PSORS1C1: variants seen among roughly 807,000 people sequenced by gnomAD.
PSORS1C1 encodes psoriasis susceptibility 1 candidate 1.
A neutral mutation model predicts 9.4 loss-of-function variants in PSORS1C1; 7 were observed. That is an observed-to-expected ratio of 0.75 (90% CI 0.42 to 1.40). The LOEUF is 1.40. PSORS1C1 is among the 40% of genes most tolerant of loss of function. The probability of loss-of-function intolerance (pLI) is 0.01; values close to 1 mark genes in which losing one functional copy is unlikely to be tolerated. For missense variants in PSORS1C1, 146 were observed against 178.1 expected, an observed-to-expected ratio of 0.82 and a Z score of 1.02; for synonymous variants, 63 against 69.4, an observed-to-expected ratio of 0.91 and a Z score of 0.46.
chr6:31,137,940 AG>A, intron 3 of PSORS1C1: 1 of 1,379,280 alleles, frequency 7.3e-7, no homozygotes, highest in Non-Finnish European at 9.7e-7. Context: ...AGAACGGCTG[AG>A]GGGACTCCAT....
chr6:31,118,936 TG>T (rs1406640392), intron 1 of PSORS1C1: 1 of 149,280 alleles, frequency 6.7e-6, no homozygotes, highest in Non-Finnish European at 1.5e-5. Flanking sequence ...TCTGCCTCCT[TG>T]GTGCAAGCGA....
At chr6:31,125,999 A>G (rs3778639) in intron 2 of PSORS1C1, among the ~76,000 whole-genome samples, 160 bp downstream of exon 2, 19,928 of 140,112 alleles carry the variant, frequency 0.14, 1,451 homozygotes, top group Middle Eastern at 0.24. Flanking sequence ...CCCACCCCCC[A>G]CCCCCTGCAA....
intron 3 of PSORS1C1, chr6:31,137,810 C>T: frequency 2.2e-6 from 1 of 445,002 alleles, no homozygotes; most frequent in East Asian, 3.4e-5. Flanking sequence ...CACCACCTTA[C>T]GGGTTCAGAA....
chr6:31,117,424 C>G (rs1371116630), intron 1 of PSORS1C1: 8 of 1,560,356 alleles, frequency 5.1e-6, no homozygotes, highest in Middle Eastern at 1.7e-4. Flanking sequence ...GCTACTGAAA[C>G]CGCTGGAGTC....
intron 1 of PSORS1C1, chr6:31,116,855 C>T (rs750463088): frequency 1.7e-5 from 28 of 1,613,998 alleles, no homozygotes; most frequent in Non-Finnish European, 2.4e-5. Context: ...ACCACCACCA[C>T]CACAGGCCTC....
At chr6:31,117,973 T>A in intron 1 of PSORS1C1, 1 of 179,892 alleles carries the variant, frequency 5.6e-6, no homozygotes, top group Non-Finnish European at 1.2e-5. Flanking sequence ...GAAGAGGGAA[T>A]GGAGAAGGGG....
At chr6:31,116,729 A>C in intron 1 of PSORS1C1, 1 of 1,612,920 alleles carries the variant, frequency 6.2e-7, no homozygotes, top group Non-Finnish European at 8.5e-7. Context: ...ACCACCTCGT[A>C]GCCACCATAG....
chr6:31,130,593 T>G (rs1772869842), intron 3 of PSORS1C1, among the ~76,000 whole-genome samples: 1 of 152,026 alleles, frequency 6.6e-6, no homozygotes, highest in Admixed American at 6.5e-5. Flanking sequence ...TTTTGTATTT[T>G]TAGTAGAGAC....
chr6:31,120,010 G>A (rs1332543725), intron 1 of PSORS1C1, among the ~76,000 whole-genome samples: 4 of 152,126 alleles, frequency 2.6e-5, no homozygotes, highest in Admixed American at 2.6e-4. Flanking sequence ...ACTATTAAAT[G>A]TCCAATCATT....
intron 1 of PSORS1C1, among the ~76,000 whole-genome samples, chr6:31,121,763 G>A (rs371322918): frequency 2.6e-5 from 4 of 152,292 alleles, no homozygotes; most frequent in East Asian, 1.9e-4. Context: ...CCTCCTGACC[G>A]CCCTTTAAGT....
intron 2 of PSORS1C1, 115 bp downstream of exon 2, chr6:31,125,954 A>G (rs985165720): frequency 6.6e-6 from 1 of 152,376 alleles, no homozygotes; most frequent in Non-Finnish European, 1.5e-5. Flanking sequence ...TTACTCAGGG[A>G]CATGGTGCCC....
At chr6:31,116,566 T>C in intron 1 of PSORS1C1, 2 of 1,613,638 alleles carry the variant, frequency 1.2e-6, no homozygotes, top group Non-Finnish European at 1.7e-6. Context: ...GCTGGAGAAG[T>C]ATTTGCCCTC....
At chr6:31,124,892 G>A (rs3131002) in intron 1 of PSORS1C1, among the ~76,000 whole-genome samples, 61,153 of 151,840 alleles carry the variant, frequency 0.4, 13,110 homozygotes, top group African/African-American at 0.57. Context: ...CATTTGAACC[G>A]GCGAGGCGGA....
chr6:31,138,787 C>T lies in PSORS1C1; in HGVS notation c.167+8C>T. 6.2e-7 allele frequency: 1 copy of T among 1,614,114 alleles called. No individual in the cohort carries two copies. Among genetic ancestry groups the T allele is most frequent in the Non-Finnish European group, 8.5e-7 (1 of 1,179,992 alleles). ...GCCAGCAAACCATTTCTGGTGAGAG[C>T]CAAATGCACCTTCTGCACCATGTCC... On this transcript the variant is annotated splice_region_variant and intron_variant, in intron 5 of 5. Transcript: ENST00000259881.
rs747545713 is a variant in PSORS1C1, at chr6:31,139,625, CCAT to C, written c.168-15_168-13del. ...TGGGATCCAGGCATCCTGCTCTCCACCATGTCCTTCTTCAGGCATGCAGGGGAC... is the reference window on the plus strand; with the variant it reads ...TGGGATCCAGGCATCCTGCTCTCCACGTCCTTCTTCAGGCATGCAGGGGAC... On this transcript the variant is annotated splice_polypyrimidine_tract_variant and intron_variant, in intron 5 of 5. Coordinates refer to ENST00000259881, the MANE Select transcript of PSORS1C1 (RefSeq NM_014068.3). This position sits in a 1 kb window ranked among gnomAD's most constrained non-coding sequence, Gnocchi z 5.2. The C allele has an allele frequency of 6.2e-7, 1 of 1,607,482 alleles. No individual in the cohort carries two copies. The highest frequency in any genetic ancestry group is 8.5e-7 in the Non-Finnish European group (1 of 1,176,306).
chr6:31,115,934 C>T lies in PSORS1C1; in HGVS notation c.-229+1043C>T, dbSNP rs994666747. On this transcript the variant is annotated intron_variant, in intron 1 of 5. Coordinates refer to ENST00000259881, the MANE Select transcript of PSORS1C1 (RefSeq NM_014068.3). This position sits in a 1 kb window ranked among gnomAD's most constrained non-coding sequence, Gnocchi z 4.2. ...TGGGAAGGAGGGAAACTGAGCTAACCCTATGCCTGGGCACTGGACTTCTCC... is the reference window on the plus strand; with the variant it reads ...TGGGAAGGAGGGAAACTGAGCTAACTCTATGCCTGGGCACTGGACTTCTCC... 8.5e-7 allele frequency: 1 copy of T among 1,182,136 alleles called. No individual in the cohort carries two copies. Among genetic ancestry groups the T allele is most frequent in the African/African-American group, 1.5e-5 (1 of 65,922 alleles). 73.2% of individuals were successfully genotyped at this position (1,182,136 alleles called of 1,614,324 possible).
At chr6:31,131,597 C>CAAAAAAAAA (rs9281219) in intron 3 of PSORS1C1, among the ~76,000 whole-genome samples, 2 of 78,394 alleles carry the variant, frequency 2.6e-5, no homozygotes, top group Non-Finnish European at 4.7e-5. Flanking sequence ...GACTCCGTCT[C>CAAAAAAAAA]AAAAAAAAAA....
chr6:31,134,391 C>G (rs1457252015), intron 3 of PSORS1C1, among the ~76,000 whole-genome samples: 1 of 151,942 alleles, frequency 6.6e-6, no homozygotes, highest in Non-Finnish European at 1.5e-5. Context: ...CAAGCTCCAC[C>G]TCCCAGGTTC....
At chr6:31,130,475 G>A (rs1011534673) in intron 3 of PSORS1C1, among the ~76,000 whole-genome samples, 2 of 151,312 alleles carry the variant, frequency 1.3e-5, no homozygotes, top group Non-Finnish European at 2.9e-5. Context: ...GCAGTGGTGC[G>A]ACCTCGGCTC....
Sources: allele counts gnomAD v4.1 joint callset (sites outside exome capture counted in the v4.1 genomes callset), GRCh38; gene constraint gnomAD v4.1.1; non-coding constraint Gnocchi (gnomAD v3.1); transcripts MANE v1.5; gene names NCBI Gene and HGNC (gene_info 2026-07-23, HGNC 2026-07-21).